Variants in SLC2A14 observed in about 807,000 individuals in gnomAD.
SLC2A14 encodes solute carrier family 2, facilitated glucose transporter member 14.
SLC2A14 carries 13 observed loss-of-function variants against 43.0 expected under a neutral mutation model. That is an observed-to-expected ratio of 0.30 (90% CI 0.20 to 0.48). The LOEUF is 0.48. Ranked by LOEUF, SLC2A14 falls within the 20% of genes least tolerant of loss-of-function variation. The pLI is 0.99. For synonymous variants in SLC2A14, 190 were observed against 233.8 expected (o/e 0.81, Z 1.71); for missense variants, 428 against 620.4 (o/e 0.69, Z 3.29).
In SLC2A14 at chr12:7,866,723, A is replaced by G. The variant is rs776500660; in HGVS notation, c.18+3140T>C. Among the ~76,000 whole-genome samples, 3 of 152,280 alleles carry G rather than the reference A, an allele frequency of 2.0e-5. No homozygotes were observed. In the East Asian group the frequency reaches 5.8e-4, roughly 29 times the overall value. Reference sequence around the variant, plus strand: ...GTGAGGAAGCTGTAGAAGAAATGTTAGAAGGTAGCAGAAGTTGGTTCATGA... The same window carrying G: ...GTGAGGAAGCTGTAGAAGAAATGTTGGAAGGTAGCAGAAGTTGGTTCATGA... On this transcript the variant is annotated intron_variant, in intron 2 of 10. Coordinates refer to ENST00000431042, the MANE Select transcript of SLC2A14 (RefSeq NM_001286234.2).
intron 2 of SLC2A14, among the ~76,000 whole-genome samples, chr12:7,837,128 C>T (rs1865525113): frequency 6.6e-6 from 1 of 151,078 alleles, no homozygotes; most frequent in Non-Finnish European, 1.5e-5. Context: ...AATCACGCCA[C>T]TGCACTCCAC....
chr12:7,819,334 T>C, intron 9 of SLC2A14, 148 bp downstream of exon 9: 18 of 1,364,870 alleles, frequency 1.3e-5, no homozygotes, highest in Non-Finnish European at 1.7e-5. Context: ...TGATGACCCA[T>C]GTTTCTTAAA....
intron 2 of SLC2A14, among the ~76,000 whole-genome samples, chr12:7,835,937 T>C (rs1469952435): frequency 1.3e-5 from 2 of 152,196 alleles, no homozygotes; most frequent in Non-Finnish European, 2.9e-5. Flanking sequence ...ATTTGAGAAA[T>C]GTTGATTTTC....
chr12:7,821,476 A>C, intron 7 of SLC2A14, 151 bp from the exon 8 acceptor site: 2 of 621,866 alleles, frequency 3.2e-6, no homozygotes, highest in Non-Finnish European at 5.8e-6. Context: ...TGAGGTCAGG[A>C]GTTTGAGACC....
At chr12:7,885,445 A>G (rs1331621809) in intron 1 of SLC2A14, among the ~76,000 whole-genome samples, 1 of 152,154 alleles carries the variant, frequency 6.6e-6, no homozygotes, top group Non-Finnish European at 1.5e-5. Context: ...AGCCTGGGCA[A>G]CAAGAGCGAA....
chr12:7,833,646 T>C lies in SLC2A14; in HGVS notation c.19-832A>G, dbSNP rs866929355. On this transcript the variant is annotated intron_variant, in intron 2 of 10. Transcript: ENST00000431042. ...AAATACAAAAATTAGCAGGGCATGG[T>C]GGGGTGTGCCTGTAATCCCAGCTAC... 5.3e-5 allele frequency among the ~76,000 whole-genome samples: 8 copies of C among 151,972 alleles called. No individual in the cohort carries two copies. In the East Asian group the frequency reaches 7.8e-4, roughly 15 times the overall value.
intron 1 of SLC2A14, among the ~76,000 whole-genome samples, chr12:7,889,131 G>A (rs1945735586): frequency 6.6e-6 from 1 of 151,900 alleles, no homozygotes; most frequent in African/African-American, 2.4e-5. Flanking sequence ...ATAATTCAGG[G>A]CAAGTCCACA....
chr12:7,831,795 T>C lies in SLC2A14; in HGVS notation c.112-31A>G, dbSNP rs751243831. On this transcript the variant is annotated intron_variant, in intron 3 of 10. Transcript: ENST00000431042. ...AAATAAAAGGTGGGAGGACAGACTA[T>C]TACAGTTGGATGAGAACAAAAGATA... The C allele has an allele frequency of 2.5e-6, 4 of 1,612,184 alleles. No individual in the cohort carries two copies. The Admixed American group carries it at 6.7e-5, about 27-fold the overall frequency.
rs149778835 is a variant in SLC2A14, at chr12:7,835,335, C to T, written c.19-2521G>A. 3.4e-3 allele frequency among the ~76,000 whole-genome samples: 523 copies of T among 152,128 alleles called. 3 individuals are homozygous for T. Among genetic ancestry groups the T allele is most frequent in the African/African-American group, 0.012 (485 of 41,508 alleles). On this transcript the variant is annotated intron_variant, in intron 2 of 10. Coordinates refer to ENST00000431042, the MANE Select transcript of SLC2A14 (RefSeq NM_001286234.2). ...CTGGGAGGCAGAGGTTGCAGTCAGC[C>T]GAGATTGCGTCACTGCACTCCAGCC...
chr12:7,874,797 ATAATATATAAATACG>A (rs1227286411), upstream of SLC2A14, among the ~76,000 whole-genome samples: 21 of 44,002 alleles, frequency 4.8e-4, no homozygotes, highest in South Asian at 0.025. Context: ...AAATATATAA[ATAATATATAAATACG>A]TATTTATATA....
intron 1 of SLC2A14, 95 bp downstream of exon 1, chr12:7,872,712 A>G: frequency 2.1e-6 from 2 of 932,790 alleles, no homozygotes; most frequent in South Asian, 4.9e-5. Context: ...ACCTCCGAGT[A>G]GCCGCCCACC....
intron 1 of SLC2A14, among the ~76,000 whole-genome samples, chr12:7,879,940 A>G (rs1208015515): frequency 6.6e-6 from 1 of 151,776 alleles, no homozygotes; most frequent in Non-Finnish European, 1.5e-5. Context: ...TGGAAGGCGG[A>G]GGTTGCAGTG....
intron 9 of SLC2A14, among the ~76,000 whole-genome samples, chr12:7,818,691 C>CTTT (rs35067057): frequency 9.8e-4 from 143 of 145,708 alleles, no homozygotes; most frequent in African/African-American, 1.6e-3. Flanking sequence ...CAAAAAAATA[C>CTTT]TTTTTTTTTT....
chr12:7,845,089 C>T (rs552658452), intron 2 of SLC2A14, among the ~76,000 whole-genome samples: 1 of 152,052 alleles, frequency 6.6e-6, no homozygotes, highest in Non-Finnish European at 1.5e-5. Flanking sequence ...TCCCTAGCCA[C>T]GTTCATTTTT....
intron 2 of SLC2A14, among the ~76,000 whole-genome samples, chr12:7,863,725 A>C (rs1944744889): frequency 1.3e-5 from 2 of 152,170 alleles, no homozygotes. Context: ...CCTGTGAGCC[A>C]CATCTTTTGG....
At chr12:7,879,132 T>C (rs1006761026) in intron 1 of SLC2A14, among the ~76,000 whole-genome samples, 9 of 151,728 alleles carry the variant, frequency 5.9e-5, no homozygotes, top group African/African-American at 1.2e-4. Flanking sequence ...GCTGCTTACA[T>C]AGGAAAACTT....
At chr12:7,856,371 C>T (rs1318109407) in intron 2 of SLC2A14, 1 of 152,182 alleles carries the variant, frequency 6.6e-6, no homozygotes, top group African/African-American at 2.4e-5. Context: ...CTCCACAGAG[C>T]ATGGCCCATA....
At position 7,813,564 on chromosome 12, in the gene SLC2A14, T is replaced by C. The variant is rs1367341246; in HGVS notation, c.*752A>G. ...AATGAGTAGCTTTATTAAATAGGCA[T>C]ACAACTTTTCTGAGAAATCAAAGAG... On this transcript the variant is annotated 3_prime_UTR_variant, in exon 11 of 11. Coordinates refer to ENST00000431042, the MANE Select transcript of SLC2A14 (RefSeq NM_001286234.2). 6.6e-6 allele frequency: 1 copy of C among 152,192 alleles called. No individual in the cohort carries two copies. Among genetic ancestry groups the C allele is most frequent in the Non-Finnish European group, 1.5e-5 (1 of 68,054 alleles). 9.4% of individuals were successfully genotyped at this position (152,192 alleles called of 1,614,324 possible).
In SLC2A14 at chr12:7,814,446, C is replaced by T. The variant is rs140568143; in HGVS notation, c.1364G>A (p.Arg455His). ...TGTGATATCCTCAAAAGTCCTGCCA[C>T]GGGTCTCAGGGACTTTGAAGAAGGT... ...AFTFFKVPET[R>H]GRTFEDITRA... The change falls in exon 11 of 11, where the codon CGT becomes CAT. Residue 455 changes from arginine (R) to histidine (H), a missense_variant. Arg to His is a conservative substitution (Grantham distance 29). Transcript: ENST00000431042. 48 of 1,613,272 alleles carry T rather than the reference C, an allele frequency of 3.0e-5. No individual in the cohort carries two copies. Among genetic ancestry groups the T allele is most frequent in the South Asian group, 1.2e-4 (11 of 91,046 alleles).
Sources: gnomAD v4.1 joint callset for allele counts (sites outside exome capture counted in the v4.1 genomes callset) on GRCh38, gnomAD v4.1.1 for gene constraint, MANE v1.5 for transcripts, NCBI Gene and HGNC (gene_info 2026-07-23, HGNC 2026-07-21) for gene names.